IGFN1: variants seen among roughly 807,000 people sequenced by gnomAD.
IGFN1 encodes immunoglobulin-like and fibronectin type III domain-containing protein 1.
IGFN1 carries 253 observed loss-of-function variants against 289.5 expected under a neutral mutation model. That is an observed-to-expected ratio of 0.87 (90% confidence interval 0.79 to 0.97). The LOEUF (loss-of-function observed/expected upper bound fraction) is 0.97, where lower values mean the gene tolerates loss of function less well. Ranked by LOEUF, IGFN1 falls within the 50% of genes least tolerant of loss-of-function variation. The pLI is 0.00. For synonymous variants in IGFN1, 1,706 were observed against 1,788.5 expected, an observed-to-expected ratio of 0.95 and a Z score of 1.16; for missense variants, 4,470 against 4,686.1, an observed-to-expected ratio of 0.95 and a Z score of 1.35.
intron 23 of IGFN1, among the ~76,000 whole-genome samples, chr1:201,227,778 T>G (rs1299026450): frequency 6.6e-6 from 1 of 152,114 alleles, no homozygotes; most frequent in East Asian, 1.9e-4. Context: ...GAGCAACTCT[T>G]GATTGAAGGG....
chr1:201,209,006 G>A lies in IGFN1; in HGVS notation c.4113G>A (p.Gly1371=). 6.5e-7 allele frequency: 1 copy of A among 1,536,806 alleles called. No individual in the cohort carries two copies. The highest frequency in any genetic ancestry group is 8.7e-7 in the Non-Finnish European group (1 of 1,146,830). Residue 1371 remains glycine, a synonymous_variant, in exon 12 of 24, where the codon GGG becomes GGA. Transcript: ENST00000335211. ...GTTTAAAGGGTTCCAGGGAAATCGG[G>A]TCAATGGATGAAACAGATAATAGGA... ...SGGLKGSREI[G]SMDETDNRKD...
At chr1:201,216,313 C>T in intron 15 of IGFN1, 141 bp from the exon 16 acceptor site, 2 of 665,404 alleles carry the variant, frequency 3.0e-6, no homozygotes, top group Non-Finnish European at 5.0e-6. Context: ...TCTGGACAGT[C>T]TGCCCCATTG....
At position 201,215,767 on chromosome 1, in the gene IGFN1, G is replaced by A. The variant is rs368691341; in HGVS notation, c.9224G>A (p.Cys3075Tyr). ...CTCCCCAGCGCAGGCAGGAAGGACT[G>A]TGGCCAGTACAGCGTGACACTGAGG... ...LCLPSAGRKDCGQYSVTLRSE... is the reference protein window; with the variant it reads ...LCLPSAGRKDYGQYSVTLRSE... Residue 3075 changes from cysteine to tyrosine, a missense_variant, in exon 15 of 24, where the codon TGT (cysteine) becomes TAT (tyrosine). Cys to Tyr is a radical substitution (Grantham distance 194, BLOSUM62 -2). Transcript: ENST00000335211. 6 of 1,606,640 alleles carry A rather than the reference G, an allele frequency of 3.7e-6. No individual in the cohort carries two copies. Among genetic ancestry groups the A allele is most frequent in the Non-Finnish European group, 1.7e-6 (2 of 1,176,190 alleles).
In IGFN1 at chr1:201,207,538, G is replaced by A. The variant is rs1667485614; in HGVS notation, c.2645G>A (p.Gly882Glu). Residue 882 changes from glycine to glutamate, a missense_variant, in exon 12 of 24, where the codon GGG becomes GAG. By Grantham distance (98) the Gly-to-Glu change is moderately conservative. Around this residue, in one of 8 missense-constraint regions of IGFN1, gnomAD observed 2,011 missense variants for 1,953.4 expected, o/e 1.03. Transcript: ENST00000335211. ...GCTGGACTGACGGAGTCTGGTCAGG[G>A]GGTGGATGCCAGAAGCCACTGGCTA... ...WVAGLTESGQGVDARSHWLSR... is the reference protein window; with the variant it reads ...WVAGLTESGQEVDARSHWLSR... 6.5e-7 allele frequency: 1 copy of A among 1,536,784 alleles called. No individual in the cohort carries two copies.
chr1:201,216,688 G>C lies in IGFN1; in HGVS notation c.9530G>C (p.Arg3177Pro). 4 of 1,613,978 alleles carry C rather than the reference G, an allele frequency of 2.5e-6. No homozygotes were observed. The highest frequency in any genetic ancestry group is 3.4e-6 in the Non-Finnish European group (4 of 1,179,952). ...GGCAGGAAGTATACCTTCCGAGTGC[G>C]GGCTGTGACCTCAGAGGGGGCTGGC... ...EPGRKYTFRV[R>P]AVTSEGAGEA... Residue 3177 changes from arginine (R) to proline (P), a missense_variant, in exon 16 of 24, where the codon CGG becomes CCG. Around this residue, in one of 8 missense-constraint regions of IGFN1, gnomAD observed 2,218 missense variants for 2,114.1 expected, o/e 1.05. Coordinates refer to ENST00000335211, the MANE Select transcript of IGFN1 (RefSeq NM_001164586.2).
In IGFN1 at chr1:201,227,155, T is replaced by A; in HGVS notation, c.11060T>A (p.Val3687Glu). The stretch of plus-strand genomic sequence containing the variant: ...AAGGACAGCGGGGAGTACAAGGCTG[T>A]GGCTGAGAACACGCTGGGCCAGGCA... ...SPKDSGEYKA[V>E]AENTLGQAVS... Residue 3687 changes from valine to glutamate, a missense_variant, in exon 23 of 24, where the codon GTG becomes GAG. This residue lies in a region of IGFN1 where 2,218 missense variants were observed against 2,114.1 expected (regional missense o/e 1.05). Transcript: ENST00000335211. 1.2e-6 allele frequency: 2 copies of A among 1,612,656 alleles called. No individual in the cohort carries two copies. Among genetic ancestry groups the A allele is most frequent in the Non-Finnish European group, 1.7e-6 (2 of 1,179,678 alleles).
rs370121044 is a variant in IGFN1 at position 201,222,823 on chromosome 1, T to C, written c.10286T>C (p.Phe3429Ser). ...GACACAGTTCGTGTGCCCGTCTCCTTTGAAGTGAGTGTACCTGCAGGGGTG... is the reference window on the plus strand; with the variant it reads ...GACACAGTTCGTGTGCCCGTCTCCTCTGAAGTGAGTGTACCTGCAGGGGTG... ...VGDTVRVPVS[F>S]EAMPMPEVTW... The change falls in exon 20 of 24, where the codon TTT becomes TCT. Residue 3429 changes from phenylalanine (F) to serine (S), a missense_variant. Physicochemically the swap from Phe to Ser is radical, Grantham distance 155. Transcript: ENST00000335211. 8 of 1,610,844 alleles carry C rather than the reference T, an allele frequency of 5.0e-6. No individual in the cohort carries two copies. Among genetic ancestry groups the C allele is most frequent in the Admixed American group, 1.7e-5 (1 of 59,856 alleles).
intron 5 of IGFN1, among the ~76,000 whole-genome samples, chr1:201,197,953 AT>A (rs1312585194): frequency 2.0e-5 from 3 of 152,190 alleles, no homozygotes; most frequent in African/African-American, 7.2e-5. Flanking sequence ...TCCAGGGCTC[AT>A]ACCACAGCTC....
chr1:201,202,751 CCCTTCCTTCCTT>C (rs1171116818), intron 9 of IGFN1, among the ~76,000 whole-genome samples: 1 of 39,004 alleles, frequency 2.6e-5, no homozygotes, highest in East Asian at 7.6e-4. Context: ...CTCCCTCCCT[CCCTTCCTTCCTT>C]CCTTCCTTCC....
chr1:201,213,165 C>T lies in IGFN1; in HGVS notation c.8272C>T (p.Gln2758Ter), dbSNP rs377387750. 541 of 1,551,552 alleles carry T rather than the reference C, an allele frequency of 3.5e-4. No homozygotes were observed. The highest frequency in any genetic ancestry group is 3.0e-3 in the Middle Eastern group (18 of 6,008). Residue 2758 changes from glutamine to a stop codon, truncating the protein, a stop_gained, in exon 12 of 24, where the codon CAG (glutamine) becomes TAG (stop). Transcript: ENST00000335211. LOFTEE classifies it high-confidence loss of function. ...CTCTAGAGATAGGTCAGGAGGGACCCAGGACCTGAGCTCTCAGCGAGGCAA... is the reference window on the plus strand; with the variant it reads ...CTCTAGAGATAGGTCAGGAGGGACCTAGGACCTGAGCTCTCAGCGAGGCAA... ...KASRDRSGGT[Q>*]DLSSQRGKGQ...
chr1:201,199,126 T>C (rs974609074), intron 5 of IGFN1, among the ~76,000 whole-genome samples: 4 of 152,134 alleles, frequency 2.6e-5, no homozygotes, highest in Admixed American at 1.3e-4. Context: ...CCCTTGGTCA[T>C]GGTAAGGCTC....
In IGFN1 at chr1:201,199,616, G is replaced by A; in HGVS notation, c.420G>A (p.Arg140=). 6.4e-7 allele frequency: 1 copy of A among 1,551,542 alleles called. No individual in the cohort carries two copies. The highest frequency in any genetic ancestry group is 2.0e-5 in the Admixed American group (1 of 50,990). ...KRHREPQEDL[R]KELMDFRKLL... is the part of the protein sequence containing the mutation. The stretch of plus-strand genomic sequence containing the variant: ...TTCCTGCTCCTTTTTCAGACCTCAG[G>A]AAGGAGCTGATGGACTTCCGGAAGT... Residue 140 remains arginine (R), a synonymous_variant, in exon 7 of 24, where the codon AGG becomes AGA. Transcript: ENST00000335211.
chr1:201,199,959 T>A (rs1252645449), intron 7 of IGFN1, among the ~76,000 whole-genome samples: 1 of 151,776 alleles, frequency 6.6e-6, no homozygotes, highest in Non-Finnish European at 1.5e-5. Context: ...AACAGAACAA[T>A]GCAACACCCA....
intron 13 of IGFN1, among the ~76,000 whole-genome samples, chr1:201,214,735 T>A (rs1558152929): frequency 6.6e-6 from 1 of 152,192 alleles, no homozygotes; most frequent in Non-Finnish European, 1.5e-5. Context: ...TGGCTTCAGA[T>A]CCCAGCTCTG....
rs1337242234 is a variant in IGFN1, at chr1:201,208,206, G to A, written c.3313G>A (p.Val1105Met). The A allele has an allele frequency of 1.3e-6, 2 of 1,536,914 alleles. No individual in the cohort carries two copies. Among genetic ancestry groups the A allele is most frequent in the Non-Finnish European group, 1.7e-6 (2 of 1,146,836 alleles). The part of the protein sequence containing the change: ...GVVETVGMGC[V>M]EAEPESSGRI... The stretch of plus-strand genomic sequence containing the variant: ...AGTGGAGACTGTTGGGATGGGATGT[G>A]TGGAAGCAGAACCAGAGAGCTCTGG... The change falls in exon 12 of 24, where the codon GTG becomes ATG. Residue 1105 changes from valine (V) to methionine (M), a missense_variant. Physicochemically the swap from Val to Met is conservative, Grantham distance 21 (BLOSUM62 1). Transcript: ENST00000335211.
chr1:201,201,215 C>T (rs1179629831), intron 8 of IGFN1, among the ~76,000 whole-genome samples: 1 of 152,200 alleles, frequency 6.6e-6, no homozygotes, highest in Non-Finnish European at 1.5e-5. Context: ...ATCAGCTGTA[C>T]AGGAATTTCT....
chr1:201,228,576 AC>A lies in IGFN1; in HGVS notation c.*178del. On this transcript the variant is annotated 3_prime_UTR_variant, in exon 24 of 24. Coordinates refer to ENST00000335211, the MANE Select transcript of IGFN1 (RefSeq NM_001164586.2). ...GACGTGAAGTCCTTGGGGAAGAAAA[AC>A]AAGGGAGGAGGGCATTCCACCTCCT... The A allele has an allele frequency of 1.5e-6, 1 of 678,814 alleles. No homozygotes were observed. Among genetic ancestry groups the A allele is most frequent in the South Asian group, 1.7e-5 (1 of 57,562 alleles). 42.0% of individuals were successfully genotyped at this position (678,814 alleles called of 1,614,324 possible).
At chr1:201,196,332 C>T (rs989497607) in intron 4 of IGFN1, among the ~76,000 whole-genome samples, 6 of 152,124 alleles carry the variant, frequency 3.9e-5, no homozygotes, top group Non-Finnish European at 8.8e-5. Context: ...AATAATAGTA[C>T]CTACTTTAAG....
rs767404229 is a variant in IGFN1, at chr1:201,208,092, C to T, written c.3199C>T (p.Pro1067Ser). Reference sequence around the variant, plus strand: ...CTCTGCATGCCAGGCAGGCATGGACCCTAGGGGAGGGCACCATTCAGATGG... The same window carrying T: ...CTCTGCATGCCAGGCAGGCATGGACTCTAGGGGAGGGCACCATTCAGATGG... ...WASACQAGMD[P>S]RGGHHSDGGL... The change falls in exon 12 of 24, where the codon CCT (proline) becomes TCT (serine). Residue 1067 changes from proline to serine, a missense_variant. Transcript: ENST00000335211. 7 of 1,536,722 alleles carry T rather than the reference C, an allele frequency of 4.6e-6. No homozygotes were observed. Among genetic ancestry groups the T allele is most frequent in the South Asian group, 3.6e-5 (3 of 84,040 alleles).
Sources: gnomAD v4.1 joint callset for allele counts (sites outside exome capture counted in the v4.1 genomes callset) on GRCh38, gnomAD v4.1.1 for gene constraint, gnomAD v4.1.1 regional missense constraint, MANE v1.5 for transcripts, NCBI Gene and HGNC (gene_info 2026-07-23, HGNC 2026-07-21) for gene names.